The following JCHAIN variants were observed in gnomAD, a reference collection of about 807,000 sequenced individuals.
JCHAIN encodes joining chain of multimeric IgA and IgM.
Under a neutral mutation model 11.1 loss-of-function variants are expected in JCHAIN, and 5 were observed. The ratio of observed to expected loss-of-function variants is 0.45; its 90% CI spans 0.24 to 0.95. The LOEUF (loss-of-function observed/expected upper bound fraction) is 0.95. Ranked by LOEUF, JCHAIN falls within the 40% of genes least tolerant of loss-of-function variation. The pLI, the probability that JCHAIN is intolerant of heterozygous loss-of-function variation, is 0.21. For synonymous variants in JCHAIN, 51 were observed against 67.8 expected, an observed-to-expected ratio of 0.75 and a Z score of 1.22; for missense variants, 165 against 192.7, an observed-to-expected ratio of 0.86 and a Z score of 0.85.
In JCHAIN at chr4:70,656,092, T is replaced by A; in HGVS notation, c.*237A>T. Reference sequence around the variant, plus strand: ...AGAGCATACCTCTTTCAGGTGAGCATGATAATTGGAAGATTTTGATACTTA... The same window carrying A: ...AGAGCATACCTCTTTCAGGTGAGCAAGATAATTGGAAGATTTTGATACTTA... On this transcript the variant is annotated 3_prime_UTR_variant, in exon 4 of 4. Coordinates refer to ENST00000254801, the MANE Select transcript of JCHAIN (RefSeq NM_144646.4). 1 of 467,656 alleles carries A rather than the reference T, an allele frequency of 2.1e-6. No individual in the cohort carries two copies. The highest frequency in any genetic ancestry group is 3.5e-5 in the East Asian group (1 of 28,532). 29.0% of individuals were successfully genotyped at this position (467,656 alleles called of 1,614,324 possible). A position where few individuals can be genotyped will look rare whatever the true frequency, so the allele number is the denominator to read the frequency against.
chr4:70,665,159 G>T (rs1180620503), intron 1 of JCHAIN, among the ~76,000 whole-genome samples: 1 of 152,174 alleles, frequency 6.6e-6, no homozygotes, highest in African/African-American at 2.4e-5. Flanking sequence ...ACTAAAAAGT[G>T]ATTGCCTTAC....
chr4:70,661,851 A>C (rs1233458180), intron 2 of JCHAIN, among the ~76,000 whole-genome samples: 1 of 152,216 alleles, frequency 6.6e-6, no homozygotes, highest in Non-Finnish European at 1.5e-5. Flanking sequence ...ACTAGATTAC[A>C]ACCTTTGTTT....
At chr4:70,659,106 A>C (rs919157235) in intron 2 of JCHAIN, among the ~76,000 whole-genome samples, 1 of 152,354 alleles carries the variant, frequency 6.6e-6, no homozygotes, top group East Asian at 1.9e-4. Context: ...TTTATGAATT[A>C]TTGTATTTAA....
intron 2 of JCHAIN, among the ~76,000 whole-genome samples, chr4:70,661,789 A>G (rs1739061762): frequency 6.6e-6 from 1 of 152,176 alleles, no homozygotes; most frequent in Non-Finnish European, 1.5e-5. Context: ...AAAAACAAGC[A>G]AACAAAAATA....
intron 2 of JCHAIN, among the ~76,000 whole-genome samples, chr4:70,659,529 AAC>A (rs1179935773): frequency 1.5e-5 from 2 of 132,792 alleles, no homozygotes; most frequent in South Asian, 2.6e-4. Context: ...CAGCCTGGGC[AAC>A]AGAGTGAGAC....
chr4:70,663,357 G>A (rs1027831229), intron 1 of JCHAIN: 1 of 151,426 alleles, frequency 6.6e-6, no homozygotes, highest in Non-Finnish European at 1.5e-5. Flanking sequence ...CACCTGGCTA[G>A]ATCTTTGTAT....
At position 70,664,158 on chromosome 4, in the gene JCHAIN, T is replaced by C. The variant is rs557592044; in HGVS notation, c.65-1943A>G. ...AGAAGAATCTCTTGAACCTGGGAGG[T>C]GGAGGTTGCAGTGAGCCAAGACTGC... On this transcript the variant is annotated intron_variant, in intron 1 of 3. Transcript: ENST00000254801. 352 of 151,268 alleles carry C rather than the reference T, an allele frequency of 2.3e-3. 1 individual carries two copies. Among genetic ancestry groups the C allele is most frequent in the South Asian group, 9.3e-3 (44 of 4,744 alleles). 9.4% of individuals were successfully genotyped at this position (151,268 alleles called of 1,614,324 possible).
intron 2 of JCHAIN, among the ~76,000 whole-genome samples, chr4:70,660,321 T>C (rs1041224740): frequency 4.7e-4 from 71 of 151,326 alleles, no homozygotes; most frequent in African/African-American, 1.7e-3. Flanking sequence ...ACAGAGGAAC[T>C]AGCAGATGTA....
chr4:70,658,721 C>G (rs1317921635), intron 2 of JCHAIN, among the ~76,000 whole-genome samples: 1 of 152,178 alleles, frequency 6.6e-6, no homozygotes, highest in Non-Finnish European at 1.5e-5. Flanking sequence ...TAACAGCCAT[C>G]ATCCATCCCA....
At chr4:70,659,037 T>G (rs1175187869) in intron 2 of JCHAIN, among the ~76,000 whole-genome samples, 1 of 152,230 alleles carries the variant, frequency 6.6e-6, no homozygotes, top group East Asian at 1.9e-4. Flanking sequence ...TTAATAAGAC[T>G]GTAAAGACTC....
chr4:70,656,214 C>CAA lies in JCHAIN; in HGVS notation c.*113_*114dup, dbSNP rs75422156. The CAA allele has an allele frequency of 8.0e-4, 475 of 596,826 alleles. 1 individual carries two copies. The highest frequency in any genetic ancestry group is 7.5e-3 in the African/African-American group (310 of 41,406). The allele number at this position is 596,826 out of a possible 1,614,324, so 37.0% of individuals were successfully genotyped here. ...GGCAGGGAGTTGGTTTTACATCACC[C>CAA]AAAAAAAAAAAAAAGCCCTGGTTTC... On this transcript the variant is annotated 3_prime_UTR_variant, in exon 4 of 4. Transcript: ENST00000254801.
At chr4:70,658,783 C>T (rs1739002019) in intron 2 of JCHAIN, among the ~76,000 whole-genome samples, 1 of 152,208 alleles carries the variant, frequency 6.6e-6, no homozygotes, top group Admixed American at 6.5e-5. Flanking sequence ...CTTCTCCTCT[C>T]CCCCAGGATT....
chr4:70,660,728 A>G (rs1165904227), intron 2 of JCHAIN, among the ~76,000 whole-genome samples: 1 of 152,156 alleles, frequency 6.6e-6, no homozygotes, highest in Admixed American at 6.5e-5. Flanking sequence ...GAAAAGTGGC[A>G]ATGGATGATC....
chr4:70,662,775 A>G (rs900793392), intron 1 of JCHAIN, among the ~76,000 whole-genome samples: 2 of 152,120 alleles, frequency 1.3e-5, no homozygotes, highest in African/African-American at 4.8e-5. Context: ...CCTGGCCAAC[A>G]TAGTGAAACC....
chr4:70,662,958 C>CA (rs368613232), intron 1 of JCHAIN, among the ~76,000 whole-genome samples: 11,711 of 125,802 alleles, frequency 0.093, 718 homozygotes, highest in African/African-American at 0.2. Context: ...GACTTCATCT[C>CA]AAAAAAAAAA....
chr4:70,660,734 T>A (rs1368709812), intron 2 of JCHAIN, among the ~76,000 whole-genome samples: 1 of 152,160 alleles, frequency 6.6e-6, no homozygotes, highest in African/African-American at 2.4e-5. Flanking sequence ...TGGCAATGGA[T>A]GATCTTGAGA....
At chr4:70,657,504 C>T (rs1440184994) in intron 2 of JCHAIN, among the ~76,000 whole-genome samples, 1 of 152,178 alleles carries the variant, frequency 6.6e-6, no homozygotes, top group Non-Finnish European at 1.5e-5. Flanking sequence ...AACAACTCCG[C>T]TGTCAACTAT....
chr4:70,664,895 T>A (rs1739124498), intron 1 of JCHAIN, among the ~76,000 whole-genome samples: 1 of 152,182 alleles, frequency 6.6e-6, no homozygotes, highest in East Asian at 1.9e-4. Flanking sequence ...CAGCCTAATA[T>A]CTATCAGAAA....
chr4:70,661,692 T>A (rs1233380525), intron 2 of JCHAIN, among the ~76,000 whole-genome samples: 2 of 152,118 alleles, frequency 1.3e-5, no homozygotes. Context: ...CTGAGGAGGA[T>A]CACTTGAGCC....
Sources: allele counts gnomAD v4.1 joint callset (sites outside exome capture counted in the v4.1 genomes callset), GRCh38; gene constraint gnomAD v4.1.1; transcripts MANE v1.5; gene names NCBI Gene and HGNC (gene_info 2026-07-23, HGNC 2026-07-21).